Variants in SLC25A27 observed in about 807,000 individuals in gnomAD.
SLC25A27 encodes the protein solute carrier family 25 member 27, also known as mitochondrial uncoupling protein 4.
In SLC25A27, 35 loss-of-function variants were observed where a neutral mutation model predicts 49.1. The ratio of observed to expected loss-of-function variants is 0.71; its 90% CI spans 0.54 to 0.95. SLC25A27 has a LOEUF of 0.95. Ranked by LOEUF, SLC25A27 falls within the 40% of genes least tolerant of loss-of-function variation. The pLI, the probability that SLC25A27 is intolerant of heterozygous loss-of-function variation, is 0.00. For missense variants in SLC25A27, 339 were observed against 397.1 expected (o/e 0.85, Z 1.24); for synonymous variants, 144 against 136.9 (o/e 1.05, Z -0.36).
At chr6:46,653,374 C>G (rs1003754400) in intron 1 of SLC25A27, 76 bp downstream of exon 1, 1 of 1,496,496 alleles carries the variant, frequency 6.7e-7, no homozygotes, top group South Asian at 1.3e-5. Flanking sequence ...CGGGCGGCTT[C>G]GCGCCCGGCA....
Position 46,676,771 on chromosome 6 carries a change from C to A in SLC25A27, c.*317C>A. The A allele has an allele frequency of 8.4e-7, 1 of 1,188,060 alleles. No homozygotes were observed. Among genetic ancestry groups the A allele is most frequent in the Non-Finnish European group, 1.2e-6 (1 of 817,700 alleles). 73.6% of individuals were successfully genotyped at this position (1,188,060 alleles called of 1,614,324 possible). A position where few individuals can be genotyped will look rare whatever the true frequency, so the allele number is the denominator to read the frequency against. ...TTGGCCTTTGAGTTGCTATTCTATGCTGAAGAGCCTGCTTAGAGGAGGAGT... is the reference window on the plus strand; with the variant it reads ...TTGGCCTTTGAGTTGCTATTCTATGATGAAGAGCCTGCTTAGAGGAGGAGT... On this transcript the variant is annotated 3_prime_UTR_variant, in exon 9 of 9. Transcript: ENST00000371347.
In SLC25A27 at chr6:46,677,670, G is replaced by A. The variant is rs958403800; in HGVS notation, c.*1216G>A. On this transcript the variant is annotated 3_prime_UTR_variant, in exon 9 of 9. Coordinates refer to ENST00000371347, the MANE Select transcript of SLC25A27 (RefSeq NM_004277.5). ...ACCGGCTCTCCCAACCTCAGACGGT[G>A]GGCATTTCTGGATGGATGGCTGCGG... is the stretch of plus-strand genomic sequence containing the variant. 1 of 152,378 alleles carries A rather than the reference G, an allele frequency of 6.6e-6. No homozygotes were observed. Among genetic ancestry groups the A allele is most frequent in the Non-Finnish European group, 1.5e-5 (1 of 68,032 alleles). The allele number at this position is 152,378 out of a possible 1,614,324, so 9.4% of individuals were successfully genotyped here. A position where few individuals can be genotyped will look rare whatever the true frequency, so the allele number is the denominator to read the frequency against.
At chr6:46,663,251 A>G (rs1763221860) in intron 4 of SLC25A27, among the ~76,000 whole-genome samples, 1 of 152,148 alleles carries the variant, frequency 6.6e-6, no homozygotes, top group South Asian at 2.1e-4. Flanking sequence ...TGAGCTGAGT[A>G]CAAAGGGAGC....
chr6:46,670,807 C>G (rs966486273), intron 7 of SLC25A27, among the ~76,000 whole-genome samples: 1 of 151,960 alleles, frequency 6.6e-6, no homozygotes, highest in African/African-American at 2.4e-5. Flanking sequence ...CGTGATCTCC[C>G]GCTCACTGCA....
At chr6:46,657,888 C>T (rs1439516424) in intron 2 of SLC25A27, among the ~76,000 whole-genome samples, 1 of 152,166 alleles carries the variant, frequency 6.6e-6, no homozygotes, top group Non-Finnish European at 1.5e-5. Context: ...GCTATGTGGG[C>T]CTTAGTCACC....
At chr6:46,664,302 T>A (rs1763256126) in intron 4 of SLC25A27, among the ~76,000 whole-genome samples, 1 of 152,232 alleles carries the variant, frequency 6.6e-6, no homozygotes, top group Non-Finnish European at 1.5e-5. Flanking sequence ...TTAAGAACTT[T>A]TTATGAAATT....
chr6:46,653,203 C>A lies in SLC25A27; in HGVS notation c.11C>A (p.Pro4Gln), dbSNP rs773680687. The stretch of plus-strand genomic sequence containing the variant: ...TTGCGCTACTGCTGAATGTCCGTCC[C>A]GGAGGAGGAGGAGAGGCTTTTGCCG... MSV[P>Q]EEEERLLPLT... is the part of the protein sequence containing the mutation. Residue 4 changes from proline (P) to glutamine (Q), a missense_variant, in exon 1 of 9, where the codon CCG (proline) becomes CAG (glutamine). By Grantham distance (76) the Pro-to-Gln change is moderately conservative (BLOSUM62 -1). Transcript: ENST00000371347. 1.2e-6 allele frequency: 2 copies of A among 1,613,314 alleles called. No individual in the cohort carries two copies. Among genetic ancestry groups the A allele is most frequent in the Admixed American group, 1.7e-5 (1 of 59,984 alleles).
intron 2 of SLC25A27, among the ~76,000 whole-genome samples, chr6:46,656,714 C>T (rs963592334): frequency 1.3e-5 from 2 of 152,104 alleles, no homozygotes; most frequent in Non-Finnish European, 2.9e-5. Flanking sequence ...CCGCCGTGCC[C>T]AGCCAGAACA....
chr6:46,667,756 C>T (rs1333717526), intron 5 of SLC25A27, among the ~76,000 whole-genome samples: 4 of 152,228 alleles, frequency 2.6e-5, no homozygotes, highest in Non-Finnish European at 4.4e-5. Flanking sequence ...CCCTCTGGTA[C>T]TCTCTGTCCC....
At chr6:46,658,650 C>A in intron 2 of SLC25A27, 1 of 397,892 alleles carries the variant, frequency 2.5e-6, no homozygotes, top group Non-Finnish European at 4.7e-6. Flanking sequence ...ATAAAAAGGT[C>A]AGAGAGCAGT....
intron 8 of SLC25A27, among the ~76,000 whole-genome samples, chr6:46,671,615 G>T (rs1346034478): frequency 1.3e-5 from 2 of 151,770 alleles, no homozygotes; most frequent in African/African-American, 4.8e-5. Context: ...AAAAAAATTT[G>T]TTACTTTGAT....
intron 6 of SLC25A27, among the ~76,000 whole-genome samples, chr6:46,669,654 T>C (rs2150651381): frequency 6.6e-6 from 1 of 152,288 alleles, no homozygotes; most frequent in South Asian, 2.1e-4. Flanking sequence ...CTTTTGCATG[T>C]ACTGTTCTAT....
At chr6:46,653,795 A>G in intron 1 of SLC25A27, 31 of 985,154 alleles carry the variant, frequency 3.1e-5, no homozygotes, top group South Asian at 4.7e-5. Context: ...TAATTCATCT[A>G]TACTGTTTAC....
chr6:46,657,919 A>T (rs560381089), intron 2 of SLC25A27, among the ~76,000 whole-genome samples: 3 of 152,230 alleles, frequency 2.0e-5, no homozygotes, highest in African/African-American at 7.2e-5. Context: ...GATGGTTGCA[A>T]CTATGCCAGT....
At chr6:46,655,646 CT>C (rs1226628174) in intron 1 of SLC25A27, among the ~76,000 whole-genome samples, 196 bp from the exon 2 acceptor site, 1 of 144,374 alleles carries the variant, frequency 6.9e-6, no homozygotes, top group Non-Finnish European at 1.5e-5. Context: ...TTTCTAAACC[CT>C]CTTCAACCTA....
rs148753471 is a variant in SLC25A27 at position 46,656,031 on chromosome 6, G to C, written c.295G>C (p.Val99Leu). Reference protein sequence around the residue: ...QGVTPAIYRHVVYSGGRMVTY... With the variant: ...QGVTPAIYRHLVYSGGRMVTY... Reference sequence around the variant, plus strand: ...AGTGACACCCGCCATTTACAGACACGTAGGTATTTATCTTGATTCTAGCTG... The same window carrying C: ...AGTGACACCCGCCATTTACAGACACCTAGGTATTTATCTTGATTCTAGCTG... The change falls in exon 2 of 9, where the codon GTA becomes CTA. Residue 99 changes from valine (V) to leucine (L), a missense_variant. Val to Leu is a conservative substitution (Grantham distance 32, BLOSUM62 1). Coordinates refer to ENST00000371347, the MANE Select transcript of SLC25A27 (RefSeq NM_004277.5). 1 of 1,605,768 alleles carries C rather than the reference G, an allele frequency of 6.2e-7. No individual in the cohort carries two copies. Among genetic ancestry groups the C allele is most frequent in the Non-Finnish European group, 8.5e-7 (1 of 1,176,900 alleles).
intron 4 of SLC25A27, 74 bp downstream of exon 4, chr6:46,662,572 A>C (rs1464634013): frequency 6.7e-7 from 1 of 1,483,360 alleles, no homozygotes; most frequent in Non-Finnish European, 9.3e-7. Flanking sequence ...TACCTAATAG[A>C]ATTATCATCC....
At chr6:46,653,403 G>T (rs1562031955) in intron 1 of SLC25A27, 105 bp downstream of exon 1, 2 of 1,449,104 alleles carry the variant, frequency 1.4e-6, no homozygotes, top group South Asian at 1.5e-5. Flanking sequence ...CGGAGAGGTC[G>T]CCCCTTCCAT....
At chr6:46,657,968 C>A (rs1242687123) in intron 2 of SLC25A27, among the ~76,000 whole-genome samples, 1 of 152,200 alleles carries the variant, frequency 6.6e-6, no homozygotes, top group Non-Finnish European at 1.5e-5. Context: ...GTGGCACTCA[C>A]AAGAGGAGGA....
Sources: gnomAD v4.1 joint callset for allele counts (sites outside exome capture counted in the v4.1 genomes callset) on GRCh38, gnomAD v4.1.1 for gene constraint, MANE v1.5 for transcripts, NCBI Gene and HGNC (gene_info 2026-07-23, HGNC 2026-07-21) for gene names.